Variants in PIK3C2G observed in about 807,000 individuals in gnomAD.
The protein encoded by PIK3C2G is phosphatidylinositol 3-kinase C2 domain-containing subunit gamma.
PIK3C2G carries 168 observed loss-of-function variants against 181.1 expected under a neutral mutation model. That is an observed-to-expected ratio of 0.93 (90% CI 0.82 to 1.05). PIK3C2G has a LOEUF of 1.05. Among genes scored for constraint, PIK3C2G ranks in the 50% least tolerant of loss-of-function variants. The pLI, the probability that PIK3C2G is intolerant of heterozygous loss-of-function variation, is 0.00. For synonymous variants in PIK3C2G, 573 were observed against 592.2 expected (o/e 0.97, Z 0.47); for missense variants, 1,869 against 1,732.8 (o/e 1.08, Z -1.40).
chr12:18,268,968 G>T (rs539606722), intron 1 of PIK3C2G, among the ~76,000 whole-genome samples: 17 of 151,844 alleles, frequency 1.1e-4, no homozygotes, highest in African/African-American at 4.1e-4. Flanking sequence ...AGGCTGGAGT[G>T]CAGTGGTGCA....
At chr12:18,592,362 GGGAGAACATGTAAT>G (rs1463017393) in intron 29 of PIK3C2G, among the ~76,000 whole-genome samples, 3 of 151,822 alleles carry the variant, frequency 2.0e-5, no homozygotes, top group Admixed American at 2.0e-4. Flanking sequence ...ACAGTCACTT[GGGAGAACATGTAAT>G]ATAAAAGCAA....
intron 31 of PIK3C2G, among the ~76,000 whole-genome samples, chr12:18,617,811 C>T (rs1384178307): frequency 1.3e-5 from 2 of 151,994 alleles, no homozygotes; most frequent in Non-Finnish European, 2.9e-5. Context: ...GGAGACATTA[C>T]CTAGCTAAAT....
chr12:18,647,416 T>A (rs938904542), intron 32 of PIK3C2G, among the ~76,000 whole-genome samples: 1 of 150,454 alleles, frequency 6.6e-6, no homozygotes, highest in Non-Finnish European at 1.5e-5. Context: ...ATACCTCTGG[T>A]ACAAACCTGC....
chr12:18,510,231 G>C (rs1942117974), intron 24 of PIK3C2G, among the ~76,000 whole-genome samples: 1 of 152,140 alleles, frequency 6.6e-6, no homozygotes. Flanking sequence ...GGCCCAAAAT[G>C]CTGGAATTAT....
chr12:18,724,512 T>A, the PIK3C2G span, among the ~76,000 whole-genome samples: 1 of 152,150 alleles, frequency 6.6e-6, no homozygotes, highest in Non-Finnish European at 1.5e-5. Flanking sequence ...ACAGCTTGAA[T>A]GCAAGAAGCA....
At chr12:18,591,772 G>A (rs1373171117) in intron 29 of PIK3C2G, among the ~76,000 whole-genome samples, 1 of 151,796 alleles carries the variant, frequency 6.6e-6, no homozygotes, top group African/African-American at 2.4e-5. Context: ...GATCTGTTGA[G>A]CAATTGTGTA....
chr12:18,476,871 GA>G (rs796118267), intron 18 of PIK3C2G, among the ~76,000 whole-genome samples: 153 of 142,918 alleles, frequency 1.1e-3, no homozygotes, highest in East Asian at 3.4e-3. Context: ...GGTCTGGATT[GA>G]AAAAAAAAAA....
chr12:18,561,941 A>G (rs1945365786), intron 26 of PIK3C2G, among the ~76,000 whole-genome samples: 1 of 152,086 alleles, frequency 6.6e-6, no homozygotes, highest in Non-Finnish European at 1.5e-5. Flanking sequence ...AAATTAAACA[A>G]TGAAAGTTGA....
In PIK3C2G at chr12:18,440,991, A is replaced by C. The variant is rs538364109; in HGVS notation, c.2504+16952A>C. On this transcript the variant is annotated intron_variant, in intron 18 of 32. Coordinates refer to ENST00000538779, the MANE Select transcript of PIK3C2G (RefSeq NM_001288772.2). ...GGAGAATGAATACAAATAGAAAGGA[A>C]AAGAAGTCCAAATATTTAGTGGTAA... Among the ~76,000 whole-genome samples, 11 of 152,280 alleles carry C rather than the reference A, an allele frequency of 7.2e-5. No individual in the cohort carries two copies. In the South Asian group the frequency reaches 1.2e-3, roughly 17 times the overall value.
chr12:18,506,515 A>G (rs1941848725), intron 24 of PIK3C2G, among the ~76,000 whole-genome samples: 1 of 152,170 alleles, frequency 6.6e-6, no homozygotes, highest in Non-Finnish European at 1.5e-5. Flanking sequence ...AGACAGAGCC[A>G]CAGGATCTGC....
At chr12:18,543,569 T>G (rs902434179) in intron 25 of PIK3C2G, among the ~76,000 whole-genome samples, 3 of 151,912 alleles carry the variant, frequency 2.0e-5, no homozygotes, top group African/African-American at 7.2e-5. Flanking sequence ...TTTTTATATA[T>G]GGTGTAAGGA....
intron 18 of PIK3C2G, among the ~76,000 whole-genome samples, chr12:18,429,209 T>C (rs188109965): frequency 4.6e-5 from 7 of 152,144 alleles, no homozygotes; most frequent in Admixed American, 1.3e-4. Context: ...GAGGCATTGA[T>C]TGCAGCCTCA....
chr12:18,693,627 T>C, the PIK3C2G span: 162 of 1,565,810 alleles, frequency 1.0e-4, no homozygotes, highest in African/African-American at 1.3e-3. Context: ...ATTGTGTTTA[T>C]TGATGAAATT....
intron 29 of PIK3C2G, among the ~76,000 whole-genome samples, chr12:18,571,777 G>A (rs1260185219): frequency 6.7e-6 from 1 of 150,252 alleles, no homozygotes; most frequent in Non-Finnish European, 1.5e-5. Flanking sequence ...ACACACAGAT[G>A]GGTTTTTTTC....
At chr12:18,473,948 G>A (rs936849965) in intron 18 of PIK3C2G, among the ~76,000 whole-genome samples, 1 of 152,050 alleles carries the variant, frequency 6.6e-6, no homozygotes, top group Non-Finnish European at 1.5e-5. Flanking sequence ...TATTTTGATG[G>A]AGGAAAGTTT....
At chr12:18,553,662 G>T (rs993931617) in intron 26 of PIK3C2G, among the ~76,000 whole-genome samples, 23 of 152,102 alleles carry the variant, frequency 1.5e-4, no homozygotes, top group Admixed American at 1.4e-3. Flanking sequence ...AGCAGGAAAA[G>T]GGGATGGGGA....
intron 28 of PIK3C2G, among the ~76,000 whole-genome samples, chr12:18,566,452 C>T (rs554529312): frequency 1.3e-3 from 196 of 152,308 alleles, no homozygotes; most frequent in African/African-American, 4.6e-3. Flanking sequence ...AAAGGAAATT[C>T]TGCAAATAGT....
intron 6 of PIK3C2G, among the ~76,000 whole-genome samples, 153 bp from the exon 7 acceptor site, chr12:18,320,809 G>A (rs1241822773): frequency 6.6e-6 from 1 of 152,202 alleles, no homozygotes; most frequent in Non-Finnish European, 1.5e-5. Context: ...GTTAAGGAGA[G>A]CCTTTTAAGG....
chr12:18,451,777 G>A (rs1385182306), intron 18 of PIK3C2G, among the ~76,000 whole-genome samples: 1 of 152,204 alleles, frequency 6.6e-6, no homozygotes, highest in African/African-American at 2.4e-5. Context: ...TTTTTAGCAT[G>A]AAGGGGTGTT....
Sources: gnomAD v4.1 joint callset for allele counts (sites outside exome capture counted in the v4.1 genomes callset) on GRCh38, gnomAD v4.1.1 for gene constraint, MANE v1.5 for transcripts, NCBI Gene and HGNC (gene_info 2026-07-23, HGNC 2026-07-21) for gene names.